Variants in RUNX1 observed in about 807,000 individuals in gnomAD.
RUNX1 encodes RUNX family transcription factor 1, also known as runt-related transcription factor 1.
In RUNX1, 19 loss-of-function variants were observed where a neutral mutation model predicts 42.8. The observed-to-expected ratio is 0.44, with a 90% CI of 0.31 to 0.65. The LOEUF is 0.65. RUNX1 is among the 30% of genes least tolerant of loss of function. The pLI, the probability that RUNX1 is intolerant of heterozygous loss-of-function variation, is 0.07. For missense variants in RUNX1, 528 were observed against 672.0 expected (o/e 0.79, Z 2.37); for synonymous variants, 271 against 289.4 (o/e 0.94, Z 0.64).
At chr21:35,015,840 C>T (rs1198297550) in intron 2 of RUNX1, among the ~76,000 whole-genome samples, 1 of 152,186 alleles carries the variant, frequency 6.6e-6, no homozygotes, top group Non-Finnish European at 1.5e-5. Flanking sequence ...ACAGGTCACT[C>T]AAGGTCAAGA....
intron 7 of RUNX1, among the ~76,000 whole-genome samples, chr21:34,813,798 G>A (rs913639389): frequency 6.6e-6 from 1 of 151,934 alleles, no homozygotes; most frequent in Non-Finnish European, 1.5e-5. Flanking sequence ...ATGTCTTATG[G>A]AATGATAGAG....
chr21:34,926,461 C>CAAA (rs1188609077), intron 2 of RUNX1, among the ~76,000 whole-genome samples: 937 of 7,148 alleles, frequency 0.13, 333 homozygotes, highest in East Asian at 0.49. Flanking sequence ...GACCCAGTCT[C>CAAA]AAAAAAAAAA....
At chr21:34,810,940 G>A (rs981677603) in intron 7 of RUNX1, among the ~76,000 whole-genome samples, 12 of 152,200 alleles carry the variant, frequency 7.9e-5, no homozygotes, top group East Asian at 7.7e-4. Context: ...CTATTCCAGC[G>A]GGGTAGCATG....
At chr21:34,831,602 C>T (rs1202490047) in intron 7 of RUNX1, among the ~76,000 whole-genome samples, 1 of 152,198 alleles carries the variant, frequency 6.6e-6, no homozygotes, top group East Asian at 1.9e-4. Flanking sequence ...AACATTCATG[C>T]ATCTGGACAG....
At chr21:34,932,254 A>T (rs1268167232) in intron 2 of RUNX1, among the ~76,000 whole-genome samples, 1 of 152,210 alleles carries the variant, frequency 6.6e-6, no homozygotes, top group Non-Finnish European at 1.5e-5. Flanking sequence ...ATATATGATA[A>T]TAAATTAATG....
intron 2 of RUNX1, among the ~76,000 whole-genome samples, chr21:34,922,572 A>G (rs2058361950): frequency 6.6e-6 from 1 of 152,140 alleles, no homozygotes; most frequent in Non-Finnish European, 1.5e-5. Context: ...TTCCAGAAAG[A>G]GAGAAACAGT....
At chr21:35,006,988 C>T (rs2059089765) in intron 2 of RUNX1, among the ~76,000 whole-genome samples, 6 of 152,176 alleles carry the variant, frequency 3.9e-5, no homozygotes, top group Admixed American at 3.3e-4. Context: ...TAGGTGGCTT[C>T]TACAGCTGCA....
chr21:34,978,910 A>G (rs898251157), intron 2 of RUNX1, among the ~76,000 whole-genome samples: 1 of 149,348 alleles, frequency 6.7e-6, no homozygotes, highest in African/African-American at 2.5e-5. Flanking sequence ...CCCTTGCCAG[A>G]CTTCTCAGAC....
chr21:34,953,856 G>GAACA (rs1165263698), intron 2 of RUNX1, among the ~76,000 whole-genome samples: 1 of 152,126 alleles, frequency 6.6e-6, no homozygotes, highest in Non-Finnish European at 1.5e-5. Flanking sequence ...CTAAGAAGAA[G>GAACA]GTATCAAGAA....
At chr21:34,818,162 G>A (rs2056856446) in intron 7 of RUNX1, among the ~76,000 whole-genome samples, 2 of 152,216 alleles carry the variant, frequency 1.3e-5, no homozygotes, top group Non-Finnish European at 1.5e-5. Context: ...GTGCTGGGGT[G>A]GGGTGGGGGC....
chr21:34,868,079 C>T (rs1216650836), intron 5 of RUNX1, among the ~76,000 whole-genome samples: 8 of 152,200 alleles, frequency 5.3e-5, no homozygotes, highest in African/African-American at 9.7e-5. Flanking sequence ...AGCTCCTGCT[C>T]ACCAGCCTTG....
In RUNX1 at chr21:34,792,080, CGCCCGGAGGCGAAGGCGGCGGCCCGCGG is replaced by C. The variant is rs1413811444; in HGVS notation, c.*27_*54del. The stretch of plus-strand genomic sequence containing the variant: ...GCTTGTCGCGAACAGGAGGCCCGCG[CGCCCGGAGGCGAAGGCGGCGGCCCGCGG>C]GGCCCAGCCGGGCCAGGCCTGGCGC... On this transcript the variant is annotated 3_prime_UTR_variant, in exon 9 of 9. Transcript: ENST00000675419. The surrounding 1 kb of genome is among the most constrained non-coding windows in gnomAD (Gnocchi z 6.9). 5 of 1,140,814 alleles carry C rather than the reference CGCCCGGAGGCGAAGGCGGCGGCCCGCGG, an allele frequency of 4.4e-6. No individual in the cohort carries two copies. The East Asian group carries it at 1.4e-4, about 32-fold the overall frequency. The allele number at this position is 1,140,814 out of a possible 1,614,324, so 70.7% of individuals were successfully genotyped here. A position where few individuals can be genotyped will look rare whatever the true frequency, so the allele number is the denominator to read the frequency against.
In RUNX1 at chr21:34,799,982, A is replaced by C. The variant is rs542919268; in HGVS notation, c.806-520T>G. On this transcript the variant is annotated intron_variant, in intron 7 of 8. Transcript: ENST00000675419. Reference sequence around the variant, plus strand: ...ATGGGCTGGTAAATGTTTTATAGTAAGGCGAATTCTCTCCCAAGGATGACA... The same window carrying C: ...ATGGGCTGGTAAATGTTTTATAGTACGGCGAATTCTCTCCCAAGGATGACA... 1.8e-3 allele frequency among the ~76,000 whole-genome samples: 271 copies of C among 152,216 alleles called. 1 individual carries two copies. Among genetic ancestry groups the C allele is most frequent in the African/African-American group, 6.2e-3 (259 of 41,522 alleles).
intron 7 of RUNX1, chr21:34,821,594 T>C (rs1276144100): frequency 9.7e-6 from 15 of 1,550,400 alleles, no homozygotes; most frequent in Non-Finnish European, 5.2e-6. Context: ...TCTGAGTCTC[T>C]TCTGAGGATG....
intron 6 of RUNX1, among the ~76,000 whole-genome samples, chr21:34,846,194 C>CTTTTTT (rs5843687): frequency 2.0e-5 from 2 of 102,262 alleles, no homozygotes; most frequent in African/African-American, 3.5e-5. Context: ...TTAAGGATGT[C>CTTTTTT]TTTTTTTTTT....
intron 8 of RUNX1, among the ~76,000 whole-genome samples, chr21:34,798,932 T>TA (rs2056568904): frequency 6.6e-6 from 1 of 152,174 alleles, no homozygotes; most frequent in Non-Finnish European, 1.5e-5. Flanking sequence ...TGTGAAAATT[T>TA]ACCACCACCG....
At chr21:34,942,099 A>C (rs943309043) in intron 2 of RUNX1, among the ~76,000 whole-genome samples, 2 of 152,154 alleles carry the variant, frequency 1.3e-5, no homozygotes, top group African/African-American at 2.4e-5. Flanking sequence ...GTGAGATTCA[A>C]ATACCAGAGA....
chr21:34,910,324 T>C (rs1412188723), intron 2 of RUNX1, among the ~76,000 whole-genome samples: 2 of 152,168 alleles, frequency 1.3e-5, no homozygotes, highest in Non-Finnish European at 2.9e-5. Flanking sequence ...AGGTCCTATT[T>C]TTCTCCTTTT....
intron 7 of RUNX1, among the ~76,000 whole-genome samples, chr21:34,830,521 C>T (rs1011226183): frequency 1.3e-5 from 2 of 152,158 alleles, no homozygotes; most frequent in Admixed American, 6.5e-5. Flanking sequence ...TTTTCCATCC[C>T]TCCTTTGGTG....
Sources: allele counts gnomAD v4.1 joint callset (sites outside exome capture counted in the v4.1 genomes callset), GRCh38; gene constraint gnomAD v4.1.1; non-coding constraint Gnocchi (gnomAD v3.1); transcripts MANE v1.5; gene names NCBI Gene and HGNC (gene_info 2026-07-23, HGNC 2026-07-21).